NRG1: variants seen among roughly 807,000 people sequenced by gnomAD.
The protein encoded by NRG1 is neuregulin 1, also known as pro-neuregulin-1, membrane-bound isoform.
A neutral mutation model predicts 63.8 loss-of-function variants in NRG1; 18 were observed. The observed-to-expected ratio is 0.28, with a 90% confidence interval of 0.19 to 0.42. NRG1 has a LOEUF of 0.42. Among genes scored for constraint, NRG1 ranks in the 10% least tolerant of loss-of-function variants. The pLI, the probability that NRG1 is intolerant of heterozygous loss-of-function variation, is 1.00. For synonymous variants in NRG1, 302 were observed against 301.3 expected, an observed-to-expected ratio of 1.00 and a Z score of -0.02; for missense variants, 762 against 814.7, an observed-to-expected ratio of 0.94 and a Z score of 0.79.
intron 1 of NRG1, among the ~76,000 whole-genome samples, chr8:32,320,952 C>A (rs7840563): frequency 0.022 from 3,368 of 152,176 alleles, 122 homozygotes; most frequent in African/African-American, 0.076. Context: ...TCAATTTCCT[C>A]CCTAAAAGTT....
chr8:32,028,511 A>G (rs889186307), intron 1 of NRG1, among the ~76,000 whole-genome samples: 3 of 152,168 alleles, frequency 2.0e-5, no homozygotes, highest in Non-Finnish European at 2.9e-5. Context: ...AGCTTTGCCT[A>G]TGTATTTTTC....
intron 1 of NRG1, among the ~76,000 whole-genome samples, chr8:32,308,219 A>T (rs1172996736): frequency 1.3e-5 from 2 of 152,176 alleles, no homozygotes; most frequent in African/African-American, 4.8e-5. Flanking sequence ...TACATTTAGA[A>T]TCCTTCGCTT....
intron 1 of NRG1, among the ~76,000 whole-genome samples, chr8:32,592,441 T>A (rs1240644114): frequency 1.3e-5 from 2 of 152,180 alleles, no homozygotes; most frequent in Admixed American, 6.5e-5. Flanking sequence ...CTAGATCACA[T>A]TTACAGTCTT....
chr8:32,037,396 C>G (rs1302219384), intron 1 of NRG1, among the ~76,000 whole-genome samples: 1 of 152,180 alleles, frequency 6.6e-6, no homozygotes, highest in East Asian at 1.9e-4. Flanking sequence ...GTCTCACCGA[C>G]TCAGGAGGAA....
chr8:32,687,121 A>G (rs986062545), intron 5 of NRG1, among the ~76,000 whole-genome samples: 2 of 152,216 alleles, frequency 1.3e-5, no homozygotes, highest in Non-Finnish European at 2.9e-5. Flanking sequence ...CCACTTTAGC[A>G]TACCACTCTA....
chr8:32,233,562 T>G, intron 1 of NRG1, among the ~76,000 whole-genome samples: 1 of 48,740 alleles, frequency 2.1e-5, no homozygotes, highest in Middle Eastern at 0.013. Context: ...TATATATATA[T>G]ATTTTTTTTT....
At chr8:32,749,464 A>G in intron 7 of NRG1, 2 of 1,221,574 alleles carry the variant, frequency 1.6e-6, no homozygotes, top group Non-Finnish European at 2.4e-6. Context: ...GAGAGCCATA[A>G]TAGTCATGTG....
intron 1 of NRG1, among the ~76,000 whole-genome samples, chr8:32,368,189 T>C (rs1170961626): frequency 6.6e-6 from 1 of 152,250 alleles, no homozygotes; most frequent in African/African-American, 2.4e-5. Context: ...CAAAAGTTTA[T>C]ATTAGCTTAC....
intron 1 of NRG1, among the ~76,000 whole-genome samples, chr8:32,280,104 A>C (rs1290611092): frequency 6.6e-6 from 1 of 152,194 alleles, no homozygotes; most frequent in Non-Finnish European, 1.5e-5. Context: ...AAATTCCTGT[A>C]TGAATAATAA....
intron 1 of NRG1, among the ~76,000 whole-genome samples, chr8:32,450,828 G>A (rs1820860506): frequency 6.6e-6 from 1 of 152,188 alleles, no homozygotes; most frequent in Non-Finnish European, 1.5e-5. Context: ...TGGCAAGGGT[G>A]AGATGGTTGC....
At chr8:31,888,316 C>T (rs1194167652) in intron 1 of NRG1, among the ~76,000 whole-genome samples, 1 of 151,992 alleles carries the variant, frequency 6.6e-6, no homozygotes, top group Non-Finnish European at 1.5e-5. Flanking sequence ...GAATTTCACC[C>T]TATATCAGTA....
chr8:31,904,476 CAGTT>C (rs937524713), intron 1 of NRG1, among the ~76,000 whole-genome samples: 1 of 152,182 alleles, frequency 6.6e-6, no homozygotes, highest in Admixed American at 6.5e-5. Flanking sequence ...CTGTGGAAAG[CAGTT>C]AGTCAGTTTC....
chr8:32,254,960 T>C (rs994834248), intron 1 of NRG1, among the ~76,000 whole-genome samples: 1 of 152,232 alleles, frequency 6.6e-6, no homozygotes, highest in Non-Finnish European at 1.5e-5. Context: ...AATGCCCTTC[T>C]TTGTCTTTAT....
chr8:32,453,568 T>G (rs940489546), intron 1 of NRG1, among the ~76,000 whole-genome samples: 7 of 152,206 alleles, frequency 4.6e-5, no homozygotes, highest in Admixed American at 2.0e-4. Flanking sequence ...TACTTTAAAC[T>G]GTTTATAGGA....
intron 1 of NRG1, among the ~76,000 whole-genome samples, chr8:31,903,768 A>G (rs1050134710): frequency 1.3e-5 from 2 of 152,018 alleles, no homozygotes; most frequent in African/African-American, 4.8e-5. Flanking sequence ...CAGCCTGACC[A>G]ACATAGGGAA....
intron 1 of NRG1, among the ~76,000 whole-genome samples, chr8:31,697,075 T>C (rs1563303181): frequency 6.6e-6 from 1 of 152,220 alleles, no homozygotes; most frequent in Non-Finnish European, 1.5e-5. Flanking sequence ...GATCCAAATC[T>C]GTGAAGTTTT....
At chr8:32,717,748 C>T (rs1175595747) in intron 5 of NRG1, among the ~76,000 whole-genome samples, 3 of 152,000 alleles carry the variant, frequency 2.0e-5, no homozygotes, top group African/African-American at 7.2e-5. Context: ...TTTAGAGAGG[C>T]GTGTTTCAAG....
chr8:32,743,679 AC>A (rs1826900765), intron 7 of NRG1, among the ~76,000 whole-genome samples: 1 of 150,624 alleles, frequency 6.6e-6, no homozygotes, highest in African/African-American at 2.4e-5. Flanking sequence ...TTCCTAAAAG[AC>A]CCAATTCACA....
chr8:32,607,542 A>G (rs926373602), intron 3 of NRG1, among the ~76,000 whole-genome samples: 1 of 152,182 alleles, frequency 6.6e-6, no homozygotes, highest in Admixed American at 6.5e-5. Context: ...TGAATTATTT[A>G]CTACTATATT....
Sources: gnomAD v4.1 joint callset for allele counts (sites outside exome capture counted in the v4.1 genomes callset) on GRCh38, gnomAD v4.1.1 for gene constraint, MANE v1.5 for transcripts, NCBI Gene and HGNC (gene_info 2026-07-23, HGNC 2026-07-21) for gene names.